Variants in TANC2 observed in about 807,000 individuals in gnomAD.
TANC2 encodes protein TANC2.
A neutral mutation model predicts 210.5 loss-of-function variants in TANC2; 26 were observed. The observed-to-expected ratio is 0.12, with a 90% CI of 0.09 to 0.17. The LOEUF (loss-of-function observed/expected upper bound fraction) is 0.17, where lower values mean the gene tolerates loss of function less well. Among genes scored for constraint, TANC2 ranks in the 10% least tolerant of loss-of-function variants. The pLI, the probability that TANC2 is intolerant of heterozygous loss-of-function variation, is 1.00. For synonymous variants in TANC2, 931 were observed against 967.1 expected, an observed-to-expected ratio of 0.96 and a Z score of 0.69; for missense variants, 2,129 against 2,608.9, an observed-to-expected ratio of 0.82 and a Z score of 4.01.
intron 2 of TANC2, among the ~76,000 whole-genome samples, chr17:63,031,695 T>C (rs2034776232): frequency 6.6e-6 from 1 of 152,164 alleles, no homozygotes; most frequent in Non-Finnish European, 1.5e-5. Context: ...GAGCACTTAA[T>C]GTGGACCAAG....
chr17:63,371,193 G>A (rs141872126), intron 14 of TANC2, among the ~76,000 whole-genome samples: 136 of 152,214 alleles, frequency 8.9e-4, no homozygotes, highest in East Asian at 5.6e-3. Flanking sequence ...GGCCAGGTAC[G>A]GTGGCTCACG....
At chr17:63,306,495 T>G (rs557157169) in intron 9 of TANC2, among the ~76,000 whole-genome samples, 51 of 152,276 alleles carry the variant, frequency 3.3e-4, no homozygotes, top group Non-Finnish European at 5.7e-4. Flanking sequence ...ACTGATACAG[T>G]GATGGTTCCT....
At chr17:63,187,719 A>T (rs1011610493) in intron 5 of TANC2, among the ~76,000 whole-genome samples, 4 of 152,110 alleles carry the variant, frequency 2.6e-5, no homozygotes, top group African/African-American at 9.7e-5. Context: ...AAGACACAAT[A>T]TGAAACTGCT....
At chr17:63,376,037 A>G (rs895022228) in intron 14 of TANC2, among the ~76,000 whole-genome samples, 1 of 151,796 alleles carries the variant, frequency 6.6e-6, no homozygotes, top group Non-Finnish European at 1.5e-5. Flanking sequence ...CAGTGAGCCG[A>G]GATCACACCA....
intron 2 of TANC2, among the ~76,000 whole-genome samples, chr17:63,013,201 G>T (rs1306660836): frequency 6.6e-6 from 1 of 151,842 alleles, no homozygotes; most frequent in Non-Finnish European, 1.5e-5. Context: ...GCCACCCGAG[G>T]AGCTGGGCCT....
chr17:63,198,656 A>T (rs2041426686), intron 6 of TANC2, among the ~76,000 whole-genome samples: 1 of 152,092 alleles, frequency 6.6e-6, no homozygotes, highest in East Asian at 1.9e-4. Flanking sequence ...ATAAGTCTGG[A>T]GTGGGGGCTC....
chr17:63,276,955 T>C (rs571968608), intron 9 of TANC2, among the ~76,000 whole-genome samples: 2 of 152,314 alleles, frequency 1.3e-5, no homozygotes, highest in African/African-American at 4.8e-5. Context: ...TGGCTTATGG[T>C]AGATACTCTG....
chr17:63,312,870 T>C (rs1345757282), intron 9 of TANC2, among the ~76,000 whole-genome samples: 1 of 152,188 alleles, frequency 6.6e-6, no homozygotes, highest in East Asian at 1.9e-4. Context: ...TTGGGCATTT[T>C]GTTTCTGTTG....
At chr17:63,407,552 T>C (rs746503048) in intron 21 of TANC2, among the ~76,000 whole-genome samples, 19 of 152,246 alleles carry the variant, frequency 1.2e-4, no homozygotes, top group Non-Finnish European at 2.2e-4. Context: ...TTTTCATCTT[T>C]GGACTGTTTC....
At chr17:63,332,320 C>A (rs1372559154) in intron 11 of TANC2, 2 of 326,272 alleles carry the variant, frequency 6.1e-6, no homozygotes, top group African/African-American at 4.4e-5. Flanking sequence ...TATTCCTTGA[C>A]CCTTACTAAT....
chr17:63,212,018 A>C lies in TANC2; in HGVS notation c.769+11061A>C, dbSNP rs1299544779. On this transcript the variant is annotated intron_variant, in intron 7 of 27. Coordinates refer to ENST00000689528, the Ensembl canonical transcript of TANC2. ...TACGTTAGGTATTTCTCCTAATGCT[A>C]TCCCTCCTCCAGCCCCCCACCCCAC... 1.4e-4 allele frequency among the ~76,000 whole-genome samples: 21 copies of C among 152,148 alleles called. No individual in the cohort carries two copies. The East Asian group carries it at 3.7e-3, about 27-fold the overall frequency.
Position 63,418,144 on chromosome 17 carries a change from T to TCAGTCCA in TANC2, c.4168-159_4168-153dup, listed in dbSNP as rs2048921754. Among the ~76,000 whole-genome samples, 1 of 152,252 alleles carries TCAGTCCA rather than the reference T, an allele frequency of 6.6e-6. No homozygotes were observed. The highest frequency in any genetic ancestry group is 2.4e-5 in the African/African-American group (1 of 41,466). ...CACAGGACAAAGGCAGAAGGAACTTTCAGTCCACAGGCCACGCGGCTTGAG... is the reference window on the plus strand; with the variant it reads ...CACAGGACAAAGGCAGAAGGAACTTTCAGTCCACAGTCCACAGGCCACGCGGCTTGAG... On this transcript the variant is annotated intron_variant, in intron 26 of 27. Coordinates refer to ENST00000689528, the Ensembl canonical transcript of TANC2. The surrounding 1 kb of genome is among the most constrained non-coding windows in gnomAD (Gnocchi z 4.6).
chr17:63,125,446 T>TA (rs1257499516), intron 4 of TANC2, among the ~76,000 whole-genome samples: 2 of 151,434 alleles, frequency 1.3e-5, no homozygotes, highest in African/African-American at 2.5e-5. Flanking sequence ...TTACCTTTAC[T>TA]AGGTAGGCTG....
At chr17:63,312,912 G>A (rs2045177843) in intron 9 of TANC2, among the ~76,000 whole-genome samples, 1 of 151,966 alleles carries the variant, frequency 6.6e-6, no homozygotes, top group Admixed American at 6.6e-5. Flanking sequence ...TAAATTATTT[G>A]CACTACTTTT....
rs2033372840 is a variant in TANC2 at position 63,001,417 on chromosome 17, CTT to C, written c.-23-8118_-23-8117del. Among the ~76,000 whole-genome samples, 8 of 151,992 alleles carry C rather than the reference CTT, an allele frequency of 5.3e-5. No homozygotes were observed. In the South Asian group the frequency reaches 1.7e-3, roughly 31 times the overall value. The stretch of plus-strand genomic sequence containing the variant: ...AGTCAGTAAATCTGATGAATTGTGT[CTT>C]TGCTCAGTTTATTTACTCATTCAAG... On this transcript the variant is annotated intron_variant, in intron 1 of 27. Coordinates refer to ENST00000689528, the Ensembl canonical transcript of TANC2.
intron 1 of TANC2, among the ~76,000 whole-genome samples, chr17:62,995,365 C>G (rs1176456072): frequency 6.6e-6 from 1 of 152,166 alleles, no homozygotes; most frequent in Non-Finnish European, 1.5e-5. Context: ...AGTTGTAAAT[C>G]TATCTGGAAA....
intron 4 of TANC2, among the ~76,000 whole-genome samples, chr17:63,114,615 G>GT (rs1486407041): frequency 6.6e-6 from 1 of 152,128 alleles, no homozygotes; most frequent in African/African-American, 2.4e-5. Flanking sequence ...CTTAACTCCT[G>GT]TGAGAATAGA....
intron 3 of TANC2, among the ~76,000 whole-genome samples, chr17:63,080,031 A>G (rs1294114179): frequency 1.3e-5 from 2 of 152,190 alleles, no homozygotes; most frequent in African/African-American, 2.4e-5. Context: ...CCAATAGCGT[A>G]TTATATATAA....
At chr17:63,325,281 A>T (rs901742956) in intron 11 of TANC2, among the ~76,000 whole-genome samples, 1 of 151,852 alleles carries the variant, frequency 6.6e-6, no homozygotes, top group African/African-American at 2.4e-5. Flanking sequence ...ACCATTCCCC[A>T]CTCACTTATA....
Sources: allele counts gnomAD v4.1 joint callset (sites outside exome capture counted in the v4.1 genomes callset), GRCh38; gene constraint gnomAD v4.1.1; non-coding constraint Gnocchi (gnomAD v3.1); transcripts MANE v1.5; gene names NCBI Gene and HGNC (gene_info 2026-07-23, HGNC 2026-07-21).